The following RORA variants were observed in gnomAD, a reference collection of about 807,000 sequenced individuals.
RORA encodes the protein RAR related orphan receptor A.
RORA carries 7 observed loss-of-function variants against 69.5 expected under a neutral mutation model. The observed-to-expected ratio is 0.10, with a 90% CI of 0.06 to 0.19. RORA has a LOEUF of 0.19. Among genes scored for constraint, RORA ranks in the 10% least tolerant of loss-of-function variants. RORA has a pLI of 1.00. For missense variants in RORA, 457 were observed against 663.0 expected (o/e 0.69, Z 3.41); for synonymous variants, 261 against 240.8 (o/e 1.08, Z -0.78).
At chr15:60,782,982 G>T (rs568163281) in intron 1 of RORA, among the ~76,000 whole-genome samples, 1 of 152,134 alleles carries the variant, frequency 6.6e-6, no homozygotes, top group Non-Finnish European at 1.5e-5. Context: ...GGGACTATAC[G>T]CTAAGGAAAT....
At chr15:60,879,994 CTG>C (rs2073660836) in intron 1 of RORA, among the ~76,000 whole-genome samples, 1 of 152,190 alleles carries the variant, frequency 6.6e-6, no homozygotes, top group Admixed American at 6.5e-5. Context: ...ACTGCATCTC[CTG>C]TAAGCATGCT....
chr15:61,103,354 T>C (rs1303757683), intron 1 of RORA, among the ~76,000 whole-genome samples: 1 of 152,230 alleles, frequency 6.6e-6, no homozygotes, highest in Non-Finnish European at 1.5e-5. Context: ...TTTAGGGTTA[T>C]CCAGGACCTC....
chr15:60,985,817 T>G (rs915623166), intron 1 of RORA, among the ~76,000 whole-genome samples: 2 of 152,172 alleles, frequency 1.3e-5, no homozygotes, highest in Non-Finnish European at 2.9e-5. Context: ...TCTCTTGACC[T>G]CATCCGCCCG....
chr15:61,104,249 G>C (rs548523404), intron 1 of RORA, among the ~76,000 whole-genome samples: 2 of 152,294 alleles, frequency 1.3e-5, no homozygotes, highest in East Asian at 3.9e-4. Context: ...AGGTCATTGA[G>C]GGAACGGAGA....
chr15:60,516,039 T>TTTA (rs1352619012), intron 3 of RORA, among the ~76,000 whole-genome samples: 2 of 11,662 alleles, frequency 1.7e-4, no homozygotes, highest in Non-Finnish European at 3.0e-4. Context: ...TTATATATAT[T>TTTA]TATATATTTA....
intron 1 of RORA, among the ~76,000 whole-genome samples, chr15:61,141,536 T>TA (rs1461213128): frequency 6.6e-6 from 1 of 152,200 alleles, no homozygotes; most frequent in Admixed American, 6.5e-5. Flanking sequence ...AATGCATTTT[T>TA]AAAAAAATTT....
chr15:61,056,081 C>T lies in RORA; in HGVS notation c.166+172972G>A, dbSNP rs752916. ...AAAAGACCCACATACTACTTCTATG[C>T]TTTAAAAAGGAAAAGAGACATATTA... is the stretch of plus-strand genomic sequence containing the variant. On this transcript the variant is annotated intron_variant, in intron 1 of 10. Coordinates refer to ENST00000335670, the MANE Select transcript of RORA (RefSeq NM_134261.3). 1.4e-3 allele frequency among the ~76,000 whole-genome samples: 211 copies of T among 152,212 alleles called. 1 individual carries two copies. Among genetic ancestry groups the T allele is most frequent in the African/African-American group, 4.8e-3 (199 of 41,536 alleles).
At chr15:61,067,480 G>C (rs1010071055) in intron 1 of RORA, among the ~76,000 whole-genome samples, 1 of 152,136 alleles carries the variant, frequency 6.6e-6, no homozygotes, top group Non-Finnish European at 1.5e-5. Context: ...TGTCGACAAC[G>C]AGGGTAATGG....
chr15:60,699,264 C>T (rs1206717651), intron 1 of RORA, among the ~76,000 whole-genome samples: 1 of 151,920 alleles, frequency 6.6e-6, no homozygotes, highest in Non-Finnish European at 1.5e-5. Context: ...AATATATTCA[C>T]CTATACTTAA....
At chr15:61,154,699 T>C (rs2079427432) in intron 1 of RORA, among the ~76,000 whole-genome samples, 1 of 152,218 alleles carries the variant, frequency 6.6e-6, no homozygotes, top group Non-Finnish European at 1.5e-5. Flanking sequence ...CATTCTGGTA[T>C]GTTTCATCAA....
intron 1 of RORA, among the ~76,000 whole-genome samples, chr15:61,212,537 T>C (rs557574163): frequency 6.6e-6 from 1 of 152,200 alleles, no homozygotes; most frequent in East Asian, 1.9e-4. Flanking sequence ...GTAGCTGGGA[T>C]TACAAGTGCA....
At chr15:60,683,382 C>A (rs2070680720) in intron 1 of RORA, among the ~76,000 whole-genome samples, 1 of 152,140 alleles carries the variant, frequency 6.6e-6, no homozygotes, top group Non-Finnish European at 1.5e-5. Context: ...GCTATCAAGC[C>A]AAACCACATC....
At chr15:60,749,572 G>C (rs1375368271) in intron 1 of RORA, among the ~76,000 whole-genome samples, 1 of 152,156 alleles carries the variant, frequency 6.6e-6, no homozygotes, top group Non-Finnish European at 1.5e-5. Flanking sequence ...GTGGGAAAAA[G>C]TAAATGCAAA....
chr15:60,942,231 T>C (rs1038036101), intron 1 of RORA, among the ~76,000 whole-genome samples: 1 of 152,210 alleles, frequency 6.6e-6, no homozygotes, highest in Admixed American at 6.5e-5. Flanking sequence ...TTTCAGACCT[T>C]ACAACTAGAT....
At chr15:60,822,830 G>A (rs2140380834) in intron 1 of RORA, among the ~76,000 whole-genome samples, 1 of 152,264 alleles carries the variant, frequency 6.6e-6, no homozygotes, top group South Asian at 2.1e-4. Flanking sequence ...ACCACCCCCT[G>A]GCTCCAGGTG....
chr15:61,069,472 A>G (rs374473361), intron 1 of RORA, among the ~76,000 whole-genome samples: 5 of 152,232 alleles, frequency 3.3e-5, no homozygotes, highest in African/African-American at 1.2e-4. Flanking sequence ...AGACAAAAAT[A>G]AAGGCATAGG....
At chr15:60,685,549 C>T (rs745636074) in intron 1 of RORA, among the ~76,000 whole-genome samples, 11 of 152,176 alleles carry the variant, frequency 7.2e-5, no homozygotes, top group Non-Finnish European at 1.3e-4. Flanking sequence ...ATGCACGAGG[C>T]GGATCCGGAA....
At chr15:60,560,800 T>C (rs1169065716) in intron 2 of RORA, among the ~76,000 whole-genome samples, 1 of 152,220 alleles carries the variant, frequency 6.6e-6, no homozygotes, top group African/African-American at 2.4e-5. Flanking sequence ...TGCTAATGTT[T>C]AAGTGTAATT....
At chr15:60,517,028 A>T (rs1007776850) in intron 3 of RORA, among the ~76,000 whole-genome samples, 8 of 150,090 alleles carry the variant, frequency 5.3e-5, no homozygotes, top group Admixed American at 2.6e-4. Flanking sequence ...CTATAAAAGA[A>T]GATTTGGAAA....
Sources: gnomAD v4.1 joint callset for allele counts (sites outside exome capture counted in the v4.1 genomes callset) on GRCh38, gnomAD v4.1.1 for gene constraint, MANE v1.5 for transcripts, NCBI Gene and HGNC (gene_info 2026-07-23, HGNC 2026-07-21) for gene names.